ZNF442: variants seen among roughly 807,000 people sequenced by gnomAD.
ZNF442 encodes the protein zinc finger protein 442.
ZNF442 carries 45 observed loss-of-function variants against 57.0 expected under a neutral mutation model. That is an observed-to-expected ratio of 0.79 (90% CI 0.62 to 1.01). ZNF442 has a LOEUF of 1.01. ZNF442 is among the 50% of genes least tolerant of loss of function. The pLI is 0.00. For synonymous variants in ZNF442, 213 were observed against 241.8 expected (o/e 0.88, Z 1.10); for missense variants, 690 against 756.5 (o/e 0.91, Z 1.03).
Position 12,352,969 on chromosome 19 carries a change from G to GA in ZNF442, c.205+18dup. 1.9e-6 allele frequency: 3 copies of GA among 1,590,804 alleles called. No individual in the cohort carries two copies. Among genetic ancestry groups the GA allele is most frequent in the Non-Finnish European group, 2.6e-6 (3 of 1,173,614 alleles). ...AAATGTCTCTAATTGACTAAGTGAA[G>GA]ACATAATGTCATTTTTACCTATACA... On this transcript the variant is annotated intron_variant, in intron 4 of 5. Coordinates refer to ENST00000242804, the MANE Select transcript of ZNF442 (RefSeq NM_030824.3).
chr19:12,363,755 C>G, intron 2 of ZNF442, 84 bp from the exon 3 acceptor site: 1 of 820,076 alleles, frequency 1.2e-6, no homozygotes, highest in Non-Finnish European at 2.0e-6. Context: ...TCCCATCCCA[C>G]CCAGGGCATC....
In ZNF442 at chr19:12,350,036, C is replaced by T. The variant is rs770345534; in HGVS notation, c.1549G>A (p.Glu517Lys). 4.2e-5 allele frequency: 68 copies of T among 1,613,780 alleles called. 1 individual carries two copies. The highest frequency in any genetic ancestry group is 5.3e-5 in the Non-Finnish European group (63 of 1,180,012). ...RRTHMAEKPY[E>K]CKTCKKAFSH... ...AAGGCTTTCTTACATGTTTTACATT[C>T]ATAAGGTTTTTCAGCCATGTGAGTC... The change falls in exon 6 of 6, where the codon GAA becomes AAA. Residue 517 changes from glutamate (E) to lysine (K), a missense_variant. Glu to Lys is a moderately conservative substitution (Grantham distance 56). Transcript: ENST00000242804.
chr19:12,373,625 G>A, the ZNF442 span: 9 of 259,634 alleles, frequency 3.5e-5, no homozygotes, highest in South Asian at 1.4e-4. Flanking sequence ...CACTCTTGTC[G>A]CATCTGTTCA....
chr19:12,359,989 A>T (rs528578825), intron 3 of ZNF442, among the ~76,000 whole-genome samples: 1 of 152,102 alleles, frequency 6.6e-6, no homozygotes, highest in East Asian at 1.9e-4. Context: ...AGAAAAAAAA[A>T]AATCTGATTC....
At position 12,349,696 on chromosome 19, in the gene ZNF442, C is replaced by T; in HGVS notation, c.*5G>A. On this transcript the variant is annotated 3_prime_UTR_variant, in exon 6 of 6. Coordinates refer to ENST00000242804, the MANE Select transcript of ZNF442 (RefSeq NM_030824.3). Reference sequence around the variant, plus strand: ...GAAATAAAATTAATGAATGCTTTTCCACATTTATAGAGTATCTCTCCAGTG... The same window carrying T: ...GAAATAAAATTAATGAATGCTTTTCTACATTTATAGAGTATCTCTCCAGTG... The T allele has an allele frequency of 1.9e-6, 3 of 1,569,928 alleles. No homozygotes were observed. The highest frequency in any genetic ancestry group is 1.2e-5 in the South Asian group (1 of 84,528).
At chr19:12,352,159 A>G in intron 4 of ZNF442, 89 bp from the exon 5 acceptor site, 1 of 1,238,892 alleles carries the variant, frequency 8.1e-7, no homozygotes, top group Non-Finnish European at 1.1e-6. Flanking sequence ...ATCATGCATG[A>G]TTCATTCACT....
At position 12,365,579 on chromosome 19, in the gene ZNF442, G is replaced by A. The variant is rs1969518604; in HGVS notation, c.-529C>T. 1 of 405,732 alleles carries A rather than the reference G, an allele frequency of 2.5e-6. No homozygotes were observed. Among genetic ancestry groups the A allele is most frequent in the Non-Finnish European group, 4.6e-6 (1 of 217,324 alleles). 25.1% of individuals were successfully genotyped at this position (405,732 alleles called of 1,614,324 possible). A position where few individuals can be genotyped will look rare whatever the true frequency, so the allele number is the denominator to read the frequency against. Reference sequence around the variant, plus strand: ...TCCCGTGTTCTCCCCAAGGTTCCCCGCTGCCAGCATAGGACTCAGCGTGAC... The same window carrying A: ...TCCCGTGTTCTCCCCAAGGTTCCCCACTGCCAGCATAGGACTCAGCGTGAC... On this transcript the variant is annotated 5_prime_UTR_variant, in exon 1 of 6. Coordinates refer to ENST00000242804, the MANE Select transcript of ZNF442 (RefSeq NM_030824.3).
Position 12,349,746 on chromosome 19 carries a change from A to T in ZNF442, c.1839T>A (p.Ser613Arg). 6.2e-7 allele frequency: 1 copy of T among 1,613,892 alleles called. No homozygotes were observed. Among genetic ancestry groups the T allele is most frequent in the South Asian group, 1.1e-5 (1 of 91,052 alleles). Residue 613 changes from serine to arginine, a missense_variant, in exon 6 of 6, where the codon AGT becomes AGA. Transcript: ENST00000242804. ...GAGTCCTTTTATGTCTATGCAAGGA[A>T]CTGAGAGAACTCAGTGCCTTCCCAC... ...KECGKALSSL[S>R]SLHRHKRTHW... is the part of the protein sequence containing the mutation.
At chr19:12,351,892 A>G in intron 5 of ZNF442, 118 bp downstream of exon 5, 4 of 807,682 alleles carry the variant, frequency 5.0e-6, no homozygotes, top group South Asian at 3.9e-5. Context: ...AGAAAATTGT[A>G]TAGGAATAAA....
intron 3 of ZNF442, among the ~76,000 whole-genome samples, chr19:12,356,818 C>T (rs1969338463): frequency 7.6e-6 from 1 of 131,692 alleles, no homozygotes; most frequent in South Asian, 2.5e-4. Flanking sequence ...TAAACACACA[C>T]ACATACATGG....
At position 12,349,488 on chromosome 19, in the gene ZNF442, C is replaced by T. The variant is rs901590565; in HGVS notation, c.*213G>A. ...CAGGAGGATGTGGATAGGTTACATG[C>T]AAATGTCCTTTTATAAAAGGAACAC... is the stretch of plus-strand genomic sequence containing the variant. On this transcript the variant is annotated 3_prime_UTR_variant, in exon 6 of 6. Coordinates refer to ENST00000242804, the MANE Select transcript of ZNF442 (RefSeq NM_030824.3). 4 of 468,276 alleles carry T rather than the reference C, an allele frequency of 8.5e-6. No homozygotes were observed. Among genetic ancestry groups the T allele is most frequent in the African/African-American group, 7.8e-5 (4 of 50,986 alleles). 29.0% of individuals were successfully genotyped at this position (468,276 alleles called of 1,614,324 possible). A position where few individuals can be genotyped will look rare whatever the true frequency, so the allele number is the denominator to read the frequency against.
upstream of ZNF442, among the ~76,000 whole-genome samples, chr19:12,366,566 T>A (rs1377926973): frequency 6.6e-6 from 1 of 152,202 alleles, no homozygotes; most frequent in East Asian, 1.9e-4. Flanking sequence ...AGCCTCAGAA[T>A]GTGCTGTGAA....
chr19:12,371,065 T>C, the ZNF442 span, among the ~76,000 whole-genome samples: 7 of 152,046 alleles, frequency 4.6e-5, no homozygotes, highest in African/African-American at 1.7e-4. Flanking sequence ...TTTCCAGGAC[T>C]GGCCCAGTAA....
At chr19:12,351,358 T>C (rs1398781814) in intron 5 of ZNF442, 40 bp from the exon 6 acceptor site, 1 of 1,537,022 alleles carries the variant, frequency 6.5e-7, no homozygotes, top group South Asian at 1.3e-5. Flanking sequence ...GGTTTATTTA[T>C]AAATGACTTT....
At chr19:12,359,454 C>A (rs1244996578) in intron 3 of ZNF442, among the ~76,000 whole-genome samples, 1 of 152,168 alleles carries the variant, frequency 6.6e-6, no homozygotes, top group South Asian at 2.1e-4. Context: ...ATAACTCAGC[C>A]AGATAAAGAA....
intron 3 of ZNF442, among the ~76,000 whole-genome samples, chr19:12,356,704 T>G (rs929315164): frequency 1.3e-5 from 2 of 149,650 alleles, no homozygotes; most frequent in African/African-American, 4.9e-5. Flanking sequence ...AGACAGAAAA[T>G]TACTTCACAG....
upstream of ZNF442, among the ~76,000 whole-genome samples, chr19:12,370,863 C>G (rs908104248): frequency 6.6e-6 from 1 of 151,316 alleles, no homozygotes; most frequent in African/African-American, 2.4e-5. Context: ...ATCCCAGCTA[C>G]TCGGGAGGCT....
intron 2 of ZNF442, among the ~76,000 whole-genome samples, chr19:12,364,024 GGTTTTTTTGTTT>G (rs2144846823): frequency 6.6e-6 from 1 of 152,236 alleles, no homozygotes; most frequent in South Asian, 2.1e-4. Context: ...GAGACACAAA[GGTTTTTTTGTTT>G]GTTTTTTTGT....
At chr19:12,364,361 C>T (rs1394281725) in intron 2 of ZNF442, among the ~76,000 whole-genome samples, 1 of 148,420 alleles carries the variant, frequency 6.7e-6, no homozygotes, top group Non-Finnish European at 1.5e-5. Flanking sequence ...GAGCCGACAT[C>T]GCACCATTGC....
Sources: gnomAD v4.1 joint callset for allele counts (sites outside exome capture counted in the v4.1 genomes callset) on GRCh38, gnomAD v4.1.1 for gene constraint, MANE v1.5 for transcripts, NCBI Gene and HGNC (gene_info 2026-07-23, HGNC 2026-07-21) for gene names.